Variants in CGREF1 observed in about 807,000 individuals in gnomAD.
CGREF1 encodes the protein cell growth regulator with EF-hand domain 1, also known as cell growth regulator with EF hand domain protein 1.
CGREF1 carries 16 observed loss-of-function variants against 17.4 expected under a neutral mutation model. The ratio of observed to expected loss-of-function variants is 0.92; its 90% CI spans 0.62 to 1.40. CGREF1 has a LOEUF of 1.40. Among genes scored for constraint, CGREF1 ranks in the 40% most tolerant of loss-of-function variants. The pLI, the probability that CGREF1 is intolerant of heterozygous loss-of-function variation, is 0.00. For missense variants in CGREF1, 296 were observed against 376.4 expected (o/e 0.79, Z 1.77); for synonymous variants, 142 against 154.6 (o/e 0.92, Z 0.61).
chr2:27,099,958 T>G (rs1458627155), downstream of CGREF1: 8 of 1,106,188 alleles, frequency 7.2e-6, no homozygotes, highest in East Asian at 2.6e-5. Flanking sequence ...AAATAAATCT[T>G]CCTCAGAGCC....
intron 2 of CGREF1, among the ~76,000 whole-genome samples, chr2:27,103,827 A>T (rs1167379864): frequency 1.3e-5 from 2 of 152,008 alleles, no homozygotes; most frequent in Non-Finnish European, 2.9e-5. Flanking sequence ...TACTAAAAAT[A>T]CAAAAATTAG....
chr2:27,099,805 C>T, downstream of CGREF1: 3 of 1,591,024 alleles, frequency 1.9e-6, no homozygotes, highest in East Asian at 2.3e-5. Flanking sequence ...GCTGCATCGC[C>T]TTCTCCCCTC....
intron 1 of CGREF1, among the ~76,000 whole-genome samples, chr2:27,116,878 T>TCTCTCC (rs1671593077): frequency 5.4e-5 from 2 of 36,788 alleles, no homozygotes; most frequent in Non-Finnish European, 1.0e-4. Flanking sequence ...CTATTCTCTC[T>TCTCTCC]CTCTCTCTCT....
intron 1 of CGREF1, among the ~76,000 whole-genome samples, chr2:27,117,152 C>T (rs1455427832): frequency 1.3e-5 from 2 of 151,926 alleles, no homozygotes; most frequent in Non-Finnish European, 1.5e-5. Flanking sequence ...ATCAAGTGAT[C>T]TACCCACCTT....
chr2:27,102,120 C>T lies in CGREF1; in HGVS notation c.319G>A (p.Ala107Thr). Residue 107 changes from alanine (A) to threonine (T), a missense_variant, in exon 5 of 6, where the codon GCC (alanine) becomes ACC (threonine). Coordinates refer to ENST00000402394, the MANE Select transcript of CGREF1 (RefSeq NM_006569.6). The part of the protein sequence containing the change: ...MLTAALAPGA[A>T]NSPTTNPVIL... ...ACCGGGTTGGTGGTAGGAGAGTTGG[C>T]AGCTCCAGGGGCCAGAGCAGCTGTC... 2 of 1,608,018 alleles carry T rather than the reference C, an allele frequency of 1.2e-6. No homozygotes were observed. The highest frequency in any genetic ancestry group is 2.2e-5 in the East Asian group (1 of 44,652).
At chr2:27,116,593 A>G (rs969809326) in intron 1 of CGREF1, among the ~76,000 whole-genome samples, 1 of 150,492 alleles carries the variant, frequency 6.6e-6, no homozygotes, top group Non-Finnish European at 1.5e-5. Flanking sequence ...TTTTTGAGAT[A>G]GAGTCTCACT....
intron 1 of CGREF1, among the ~76,000 whole-genome samples, chr2:27,114,472 A>G (rs1671503895): frequency 6.6e-6 from 1 of 152,180 alleles, no homozygotes; most frequent in African/African-American, 2.4e-5. Flanking sequence ...CAAAACTTGG[A>G]GTCTAACTCG....
downstream of CGREF1, chr2:27,099,447 G>A: frequency 6.2e-7 from 1 of 1,613,718 alleles, no homozygotes; most frequent in Non-Finnish European, 8.5e-7. Context: ...CCTGGGCTGA[G>A]GAGGGCGCCG....
At chr2:27,111,795 C>A (rs895549535) in intron 1 of CGREF1, among the ~76,000 whole-genome samples, 58 of 152,002 alleles carry the variant, frequency 3.8e-4, no homozygotes, top group Admixed American at 2.0e-4. Context: ...CCACCCGGAA[C>A]TCGCGCTGGC....
chr2:27,101,111 C>T lies in CGREF1; in HGVS notation c.*163G>A. On this transcript the variant is annotated 3_prime_UTR_variant, in exon 6 of 6. Transcript: ENST00000402394. The stretch of plus-strand genomic sequence containing the variant: ...TTCAGTTCTTTATTGGTAATCTGCC[C>T]CTTAACTTAGGGTCTCCCTGAGCTG... The T allele has an allele frequency of 7.2e-7, 1 of 1,392,212 alleles. No individual in the cohort carries two copies. Among genetic ancestry groups the T allele is most frequent in the East Asian group, 2.6e-5 (1 of 38,300 alleles). The allele number at this position is 1,392,212 out of a possible 1,614,324, so 86.2% of individuals were successfully genotyped here. A position where few individuals can be genotyped will look rare whatever the true frequency, so the allele number is the denominator to read the frequency against.
chr2:27,103,906 C>G (rs910593896), intron 2 of CGREF1, among the ~76,000 whole-genome samples: 1 of 152,086 alleles, frequency 6.6e-6, no homozygotes, highest in African/African-American at 2.4e-5. Flanking sequence ...TTGCTTGAAC[C>G]CGGGAGGCGG....
chr2:27,100,311 T>C (rs1000198136), downstream of CGREF1: 8 of 689,824 alleles, frequency 1.2e-5, no homozygotes, highest in Non-Finnish European at 1.8e-5. Context: ...GTGCGCCTCC[T>C]CTGCCCTGCC....
intron 1 of CGREF1, chr2:27,104,815 AAC>A: frequency 6.9e-7 from 1 of 1,450,094 alleles, no homozygotes; most frequent in Non-Finnish European, 9.1e-7. Flanking sequence ...CCAAGACTTA[AAC>A]ACAGGCAAAA....
chr2:27,100,325 C>G, downstream of CGREF1: 1 of 858,224 alleles, frequency 1.2e-6, no homozygotes, highest in Non-Finnish European at 1.7e-6. Context: ...CCCTGCCCAC[C>G]AGCCTGTGAT....
chr2:27,113,742 G>A (rs2148397837), intron 1 of CGREF1, among the ~76,000 whole-genome samples: 1 of 152,228 alleles, frequency 6.6e-6, no homozygotes, highest in African/African-American at 2.4e-5. Context: ...TAATTAATGA[G>A]ACAAGATGTG....
chr2:27,110,246 A>T (rs555911755), intron 1 of CGREF1, among the ~76,000 whole-genome samples: 292 of 152,208 alleles, frequency 1.9e-3, no homozygotes, highest in Middle Eastern at 6.8e-3. Flanking sequence ...AATAATTTTT[A>T]AAAAAATTAG....
At chr2:27,115,927 G>A (rs1671548220) in intron 1 of CGREF1, among the ~76,000 whole-genome samples, 4 of 152,150 alleles carry the variant, frequency 2.6e-5, no homozygotes, top group Admixed American at 2.6e-4. Flanking sequence ...AAATGCAAGT[G>A]ATTGGGCTGA....
chr2:27,112,408 AACTT>A (rs1314865158), intron 1 of CGREF1, among the ~76,000 whole-genome samples: 2 of 152,242 alleles, frequency 1.3e-5, no homozygotes, highest in Non-Finnish European at 2.9e-5. Context: ...TTCCTAGAAA[AACTT>A]AATAGCAAAA....
chr2:27,100,818 GC>G lies in CGREF1; in HGVS notation c.*455del. 9.0e-7 allele frequency: 1 copy of G among 1,115,460 alleles called. No homozygotes were observed. The highest frequency in any genetic ancestry group is 1.1e-6 in the Non-Finnish European group (1 of 906,438). 69.1% of individuals were successfully genotyped at this position (1,115,460 alleles called of 1,614,324 possible). A position where few individuals can be genotyped will look rare whatever the true frequency, so the allele number is the denominator to read the frequency against. On this transcript the variant is annotated 3_prime_UTR_variant, in exon 6 of 6. Coordinates refer to ENST00000402394, the MANE Select transcript of CGREF1 (RefSeq NM_006569.6). ...AATATTACTGGGGATGGGGTCACCT[GC>G]CCTGAGCTGCAGGAGAGCATGGGGT...
Sources: gnomAD v4.1 joint callset for allele counts (sites outside exome capture counted in the v4.1 genomes callset) on GRCh38, gnomAD v4.1.1 for gene constraint, MANE v1.5 for transcripts, NCBI Gene and HGNC (gene_info 2026-07-23, HGNC 2026-07-21) for gene names.